The following CENPP variants were observed in gnomAD, a reference collection of about 807,000 sequenced individuals.
The protein encoded by CENPP is centromere protein P.
Under a neutral mutation model 35.6 loss-of-function variants are expected in CENPP, and 24 were observed. The observed-to-expected ratio is 0.67, with a 90% CI of 0.49 to 0.95. The LOEUF (loss-of-function observed/expected upper bound fraction) is 0.95. Ranked by LOEUF, CENPP falls within the 40% of genes least tolerant of loss-of-function variation. The probability of loss-of-function intolerance (pLI) is 0.00; values close to 1 mark genes in which losing one functional copy is unlikely to be tolerated. For synonymous variants in CENPP, 120 were observed against 125.5 expected (o/e 0.96, Z 0.29); for missense variants, 332 against 345.3 (o/e 0.96, Z 0.31).
intron 5 of CENPP, among the ~76,000 whole-genome samples, chr9:92,464,265 A>G (rs1386537490): frequency 6.6e-6 from 1 of 152,204 alleles, no homozygotes; most frequent in East Asian, 1.9e-4. Flanking sequence ...GTCATCTGGC[A>G]GACTTAAGGA....
intron 5 of CENPP, among the ~76,000 whole-genome samples, chr9:92,455,946 C>T (rs1281493051): frequency 2.6e-5 from 4 of 152,068 alleles, no homozygotes; most frequent in African/African-American, 9.7e-5. Context: ...TGGCATGTGC[C>T]TGTAATCCCA....
intron 5 of CENPP, among the ~76,000 whole-genome samples, chr9:92,580,550 A>T (rs1850395375): frequency 6.6e-6 from 1 of 152,136 alleles, no homozygotes; most frequent in Non-Finnish European, 1.5e-5. Context: ...TGTGTCAAGG[A>T]ATTTATCCAT....
chr9:92,440,920 T>G (rs1341296309), intron 5 of CENPP, among the ~76,000 whole-genome samples: 2 of 152,178 alleles, frequency 1.3e-5, no homozygotes, highest in East Asian at 3.9e-4. Context: ...AACTGCGACT[T>G]TAAGTGAAAT....
intron 5 of CENPP, among the ~76,000 whole-genome samples, chr9:92,437,791 A>C (rs1283538443): frequency 7.0e-6 from 1 of 142,644 alleles, no homozygotes; most frequent in Non-Finnish European, 1.5e-5. Flanking sequence ...ACACTGTCTC[A>C]CTCTGTTGCC....
intron 5 of CENPP, chr9:92,470,644 T>C: frequency 8.2e-7 from 1 of 1,219,744 alleles, no homozygotes; most frequent in Non-Finnish European, 1.2e-6. Flanking sequence ...CTTAAATCTT[T>C]GAAAGTATGA....
intron 5 of CENPP, among the ~76,000 whole-genome samples, chr9:92,419,457 C>T (rs1843720122): frequency 6.6e-6 from 1 of 151,946 alleles, no homozygotes; most frequent in African/African-American, 2.4e-5. Context: ...CACTCCACCA[C>T]ACCCGGCTAA....
Position 92,613,493 on chromosome 9 carries a change from A to G in CENPP, c.*344A>G. 3.7e-6 allele frequency: 1 copy of G among 271,080 alleles called. No homozygotes were observed. The highest frequency in any genetic ancestry group is 4.1e-5 in the South Asian group (1 of 24,504). 16.8% of individuals were successfully genotyped at this position (271,080 alleles called of 1,614,324 possible). On this transcript the variant is annotated 3_prime_UTR_variant, in exon 8 of 8. Transcript: ENST00000375587. ...AGTCCACCTTGGACATGGTGGCCACATTACTCAGCTGGGAGAAGCCACCCT... is the reference window on the plus strand; with the variant it reads ...AGTCCACCTTGGACATGGTGGCCACGTTACTCAGCTGGGAGAAGCCACCCT...
chr9:92,442,651 C>T (rs965434137), intron 5 of CENPP, among the ~76,000 whole-genome samples: 38 of 151,778 alleles, frequency 2.5e-4, no homozygotes, highest in Non-Finnish European at 5.0e-4. Flanking sequence ...TCAAGACCAT[C>T]CTGGCTAAAA....
intron 5 of CENPP, among the ~76,000 whole-genome samples, chr9:92,556,003 A>G (rs1310161965): frequency 6.6e-6 from 1 of 151,992 alleles, no homozygotes; most frequent in African/African-American, 2.4e-5. Context: ...GTGCTCTTTC[A>G]GACTTTTTGA....
In CENPP at chr9:92,561,102, A is replaced by G. The variant is rs111844117; in HGVS notation, c.565-50212A>G. ...TAAGTAAGCATAAATTAGCACCTCCATTAATCACATTGCTTTAATATATGC... is the reference window on the plus strand; with the variant it reads ...TAAGTAAGCATAAATTAGCACCTCCGTTAATCACATTGCTTTAATATATGC... On this transcript the variant is annotated intron_variant, in intron 5 of 7. Transcript: ENST00000375587. Among the ~76,000 whole-genome samples the G allele has an allele frequency of 2.3e-3, 353 of 152,102 alleles. 1 individual carries two copies. Among genetic ancestry groups the G allele is most frequent in the African/African-American group, 8.1e-3 (338 of 41,492 alleles).
intron 5 of CENPP, chr9:92,384,108 C>T (rs906821314): frequency 2.6e-5 from 4 of 152,100 alleles, no homozygotes; most frequent in Admixed American, 2.6e-4. Flanking sequence ...GGAAATGAGG[C>T]ATGCACACAA....
At chr9:92,458,524 C>A (rs759490320) in intron 5 of CENPP, among the ~76,000 whole-genome samples, 2 of 152,202 alleles carry the variant, frequency 1.3e-5, no homozygotes, top group African/African-American at 2.4e-5. Context: ...TAGTACTGAT[C>A]TCACTGGGAA....
At position 92,514,963 on chromosome 9, in the gene CENPP, C is replaced by G. The variant is rs761075259; in HGVS notation, c.565-96351C>G. On this transcript the variant is annotated intron_variant, in intron 5 of 7. Coordinates refer to ENST00000375587, the MANE Select transcript of CENPP (RefSeq NM_001012267.3). ...GTCTCCTCCTCTGCTGTCCCCCTCA[C>G]TGTAAAGTTGCCCCTGATTTCTAGA... 2.5e-6 allele frequency: 4 copies of G among 1,613,974 alleles called. No individual in the cohort carries two copies. The African/African-American group carries it at 5.3e-5, about 22-fold the overall frequency.
At chr9:92,580,879 T>C (rs1245924638) in intron 5 of CENPP, among the ~76,000 whole-genome samples, 2 of 152,198 alleles carry the variant, frequency 1.3e-5, no homozygotes, top group Non-Finnish European at 2.9e-5. Flanking sequence ...TTCTAGTTCT[T>C]TTAATTGTGA....
chr9:92,503,357 G>T (rs1846803514), intron 5 of CENPP, among the ~76,000 whole-genome samples: 1 of 152,168 alleles, frequency 6.6e-6, no homozygotes, highest in African/African-American at 2.4e-5. Context: ...CCCACCCGTG[G>T]TTACATGACT....
intron 5 of CENPP, among the ~76,000 whole-genome samples, chr9:92,510,661 T>C (rs1281797902): frequency 6.6e-6 from 1 of 152,242 alleles, no homozygotes; most frequent in Non-Finnish European, 1.5e-5. Context: ...AGTGGGGACC[T>C]GTGGTTGGGT....
chr9:92,466,471 C>G, intron 5 of CENPP: 3 of 1,612,734 alleles, frequency 1.9e-6, no homozygotes, highest in Non-Finnish European at 2.5e-6. Flanking sequence ...TGGTATTTCA[C>G]TTAGTTGATT....
chr9:92,390,585 T>TGCGC (rs781712971), intron 5 of CENPP, among the ~76,000 whole-genome samples: 11 of 133,124 alleles, frequency 8.3e-5, no homozygotes, highest in South Asian at 7.6e-4. Flanking sequence ...TGTGTGTGTG[T>TGCGC]GTGCGCGCGC....
chr9:92,337,794 G>T (rs1025165025), intron 3 of CENPP, among the ~76,000 whole-genome samples, 165 bp downstream of exon 3: 20 of 152,192 alleles, frequency 1.3e-4, no homozygotes, highest in Admixed American at 1.2e-3. Flanking sequence ...AAAATTTCAG[G>T]TATTAATAGC....
Sources: allele counts gnomAD v4.1 joint callset (sites outside exome capture counted in the v4.1 genomes callset), GRCh38; gene constraint gnomAD v4.1.1; transcripts MANE v1.5; gene names NCBI Gene and HGNC (gene_info 2026-07-23, HGNC 2026-07-21).